The following DPP6 variants were observed in gnomAD, a reference collection of about 807,000 sequenced individuals.
DPP6 encodes the protein dipeptidyl peptidase like 6.
A neutral mutation model predicts 122.6 loss-of-function variants in DPP6; 69 were observed. The observed-to-expected ratio is 0.56, with a 90% CI of 0.46 to 0.69. The LOEUF (loss-of-function observed/expected upper bound fraction) is 0.69. DPP6 is among the 30% of genes least tolerant of loss of function. The pLI is 0.00. For synonymous variants in DPP6, 418 were observed against 433.1 expected, an observed-to-expected ratio of 0.97 and a Z score of 0.43; for missense variants, 928 against 1,116.9, an observed-to-expected ratio of 0.83 and a Z score of 2.41.
At chr7:154,668,275 T>G (rs7805245) in intron 6 of DPP6, among the ~76,000 whole-genome samples, 2 of 134,352 alleles carry the variant, frequency 1.5e-5, no homozygotes, top group Non-Finnish European at 3.2e-5. Flanking sequence ...GGCTACAGTG[T>G]AGTGGCATGA....
chr7:154,853,327 C>T (rs1372315247), intron 16 of DPP6, among the ~76,000 whole-genome samples: 8 of 151,968 alleles, frequency 5.3e-5, no homozygotes, highest in Admixed American at 3.3e-4. Context: ...TACATGAATA[C>T]GTTTTTACAA....
intron 7 of DPP6, among the ~76,000 whole-genome samples, chr7:154,669,645 T>C (rs1196198338): frequency 6.6e-6 from 1 of 152,124 alleles, no homozygotes. Context: ...CAAATTCTCC[T>C]AAAATTGGAA....
chr7:153,966,338 C>G (rs1199440191), intron 1 of DPP6, among the ~76,000 whole-genome samples: 1 of 150,932 alleles, frequency 6.6e-6, no homozygotes, highest in Non-Finnish European at 1.5e-5. Flanking sequence ...GTGTTTGTGA[C>G]TCAGTAACTT....
chr7:154,550,458 T>C (rs75019978), intron 4 of DPP6, among the ~76,000 whole-genome samples: 4,183 of 152,294 alleles, frequency 0.027, 192 homozygotes, highest in African/African-American at 0.093. Context: ...GAGACAAATA[T>C]AAAATTGTCT....
chr7:153,841,747 A>C, the DPP6 span, among the ~76,000 whole-genome samples: 3 of 152,366 alleles, frequency 2.0e-5, no homozygotes, highest in Admixed American at 2.0e-4. Flanking sequence ...ATCGTTAAGA[A>C]AGTAGGCTGA....
intron 1 of DPP6, among the ~76,000 whole-genome samples, chr7:154,238,294 C>T (rs75849186): frequency 0.012 from 1,873 of 152,150 alleles, 38 homozygotes; most frequent in African/African-American, 0.042. Flanking sequence ...TATAAAGATA[C>T]GTACTTTTCC....
At chr7:153,816,879 C>T in the DPP6 span, among the ~76,000 whole-genome samples, 34,875 of 150,676 alleles carry the variant, frequency 0.23, 4,241 homozygotes, top group Admixed American at 0.35. Flanking sequence ...CCTCTCTCCC[C>T]GTCTCCCAAC....
intron 1 of DPP6, among the ~76,000 whole-genome samples, chr7:154,376,454 G>A (rs1320358966): frequency 1.3e-5 from 2 of 152,168 alleles, no homozygotes; most frequent in Non-Finnish European, 2.9e-5. Flanking sequence ...CTCAGTCATC[G>A]TGTGGGTAAA....
chr7:153,776,862 C>A, the DPP6 span, among the ~76,000 whole-genome samples: 1 of 152,216 alleles, frequency 6.6e-6, no homozygotes, highest in South Asian at 2.1e-4. Context: ...GACTTAGATA[C>A]AACATCAAAA....
chr7:154,358,859 C>T (rs1463445487), intron 1 of DPP6, among the ~76,000 whole-genome samples: 1 of 152,132 alleles, frequency 6.6e-6, no homozygotes, highest in East Asian at 1.9e-4. Context: ...GCAGCCACCA[C>T]CATGCCCGGC....
intron 4 of DPP6, among the ~76,000 whole-genome samples, chr7:154,542,158 T>C (rs533059396): frequency 3.9e-5 from 6 of 152,200 alleles, no homozygotes; most frequent in Admixed American, 1.3e-4. Context: ...TGTTGGATGA[T>C]GGCATAGTTC....
intron 1 of DPP6, among the ~76,000 whole-genome samples, chr7:154,281,701 G>A (rs1199478099): frequency 6.6e-6 from 1 of 152,158 alleles, no homozygotes; most frequent in Admixed American, 6.5e-5. Flanking sequence ...AAGATCTCTG[G>A]TGTGCAATTT....
the DPP6 span, among the ~76,000 whole-genome samples, chr7:153,852,636 A>G: frequency 3.2e-3 from 495 of 152,322 alleles, 3 homozygotes; most frequent in African/African-American, 0.011. Context: ...ACCATATCAG[A>G]TGCACACGAA....
intron 5 of DPP6, among the ~76,000 whole-genome samples, chr7:154,592,682 T>C (rs1832873772): frequency 6.6e-6 from 1 of 152,106 alleles, no homozygotes; most frequent in African/African-American, 2.4e-5. Context: ...GACAAGGTCC[T>C]GTGATCCGAG....
At chr7:154,492,077 C>G (rs1016778270) in intron 3 of DPP6, among the ~76,000 whole-genome samples, 1 of 152,168 alleles carries the variant, frequency 6.6e-6, no homozygotes, top group African/African-American at 2.4e-5. Context: ...AAAAGTGCTG[C>G]TAGGTGCCTA....
At chr7:154,361,830 A>T (rs1032813121) in intron 1 of DPP6, among the ~76,000 whole-genome samples, 6 of 152,250 alleles carry the variant, frequency 3.9e-5, no homozygotes, top group Non-Finnish European at 5.9e-5. Flanking sequence ...TGCCTTACAG[A>T]TGGAGAATTG....
intron 1 of DPP6, among the ~76,000 whole-genome samples, chr7:154,090,187 A>C (rs1804704305): frequency 6.6e-6 from 1 of 151,974 alleles, no homozygotes; most frequent in Non-Finnish European, 1.5e-5. Flanking sequence ...TGAGCAGCAA[A>C]GTAGCCTTCA....
chr7:154,458,692 G>T lies in DPP6; in HGVS notation c.358+12364G>T, dbSNP rs146075488. Among the ~76,000 whole-genome samples, 1,159 of 152,292 alleles carry T rather than the reference G, an allele frequency of 7.6e-3. 13 individuals carry two copies. Among genetic ancestry groups the T allele is most frequent in the Non-Finnish European group, 0.013 (882 of 68,024 alleles). On this transcript the variant is annotated intron_variant, in intron 2 of 25. Transcript: ENST00000377770. Reference sequence around the variant, plus strand: ...GATAAATGGCATTGCCACTTTTACGGTGGCCATGTCTTACAGGCAGGCAAA... The same window carrying T: ...GATAAATGGCATTGCCACTTTTACGTTGGCCATGTCTTACAGGCAGGCAAA...
intron 11 of DPP6, among the ~76,000 whole-genome samples, chr7:154,795,602 A>T (rs780704201): frequency 6.6e-6 from 1 of 151,976 alleles, no homozygotes; most frequent in Non-Finnish European, 1.5e-5. Context: ...GTTGCTAGGG[A>T]TAGTGGCATT....
Sources: allele counts gnomAD v4.1 joint callset (sites outside exome capture counted in the v4.1 genomes callset), GRCh38; gene constraint gnomAD v4.1.1; transcripts MANE v1.5; gene names NCBI Gene and HGNC (gene_info 2026-07-23, HGNC 2026-07-21).